Variants in PACRG observed in about 807,000 individuals in gnomAD.
PACRG encodes parkin coregulated gene protein.
In PACRG, 29 loss-of-function variants were observed where a neutral mutation model predicts 29.7. That is an observed-to-expected ratio of 0.98 (90% CI 0.73 to 1.33). The LOEUF is 1.33. Ranked by LOEUF, PACRG falls within the 40% of genes most tolerant of loss-of-function variation. The probability of loss-of-function intolerance (pLI) is 0.00; values close to 1 mark genes in which losing one functional copy is unlikely to be tolerated. For missense variants in PACRG, 279 were observed against 316.2 expected (o/e 0.88, Z 0.89); for synonymous variants, 116 against 118.7 (o/e 0.98, Z 0.15).
intron 2 of PACRG, among the ~76,000 whole-genome samples, chr6:163,033,940 TAAAG>T (rs996472187): frequency 6.6e-6 from 1 of 152,162 alleles, no homozygotes; most frequent in Non-Finnish European, 1.5e-5. Flanking sequence ...GACAGAACAA[TAAAG>T]AAAGACACAT....
At chr6:163,303,664 A>G (rs920515257) in intron 4 of PACRG, among the ~76,000 whole-genome samples, 1 of 152,164 alleles carries the variant, frequency 6.6e-6, no homozygotes, top group African/African-American at 2.4e-5. Context: ...ATATTAAATG[A>G]AAGCACTATA....
chr6:163,035,985 C>G (rs1176825284), intron 2 of PACRG, among the ~76,000 whole-genome samples: 1 of 152,088 alleles, frequency 6.6e-6, no homozygotes, highest in African/African-American at 2.4e-5. Flanking sequence ...AAAGGAAATA[C>G]TTGGTTTCTA....
intron 4 of PACRG, among the ~76,000 whole-genome samples, chr6:163,130,003 A>G (rs887313431): frequency 6.6e-6 from 1 of 152,220 alleles, no homozygotes; most frequent in Admixed American, 6.5e-5. Context: ...AAGCCTTCCA[A>G]AGAAAAGTGT....
chr6:163,150,003 T>A (rs1430750654), intron 4 of PACRG, among the ~76,000 whole-genome samples: 6 of 152,232 alleles, frequency 3.9e-5, no homozygotes, highest in Admixed American at 3.3e-4. Flanking sequence ...TGCGGGACTG[T>A]CTAGCTGTGC....
intron 2 of PACRG, among the ~76,000 whole-genome samples, chr6:162,887,710 C>A (rs1336945781): frequency 6.6e-6 from 1 of 152,112 alleles, no homozygotes; most frequent in Non-Finnish European, 1.5e-5. Context: ...AAAGTTTTGA[C>A]CTCGCCCTGC....
At chr6:162,958,846 AGAG>A (rs1271651406) in intron 2 of PACRG, among the ~76,000 whole-genome samples, 2 of 118,408 alleles carry the variant, frequency 1.7e-5, no homozygotes, top group African/African-American at 3.0e-5. Context: ...GAGCATATAT[AGAG>A]CATATATATA....
At chr6:163,096,668 G>A (rs1402763223) in intron 4 of PACRG, among the ~76,000 whole-genome samples, 1 of 152,138 alleles carries the variant, frequency 6.6e-6, no homozygotes, top group Non-Finnish European at 1.5e-5. Context: ...TCATTTTTCA[G>A]GAGTTCTACT....
intron 2 of PACRG, among the ~76,000 whole-genome samples, chr6:162,880,452 A>G (rs897194100): frequency 2.6e-5 from 4 of 152,212 alleles, no homozygotes; most frequent in Non-Finnish European, 5.9e-5. Flanking sequence ...GAACAACAAC[A>G]ACAAAACAGG....
At chr6:163,051,009 C>A (rs185167201) in intron 2 of PACRG, among the ~76,000 whole-genome samples, 1 of 152,276 alleles carries the variant, frequency 6.6e-6, no homozygotes, top group African/African-American at 2.4e-5. Context: ...GGTCTTGGGA[C>A]TCCCTGCGAT....
chr6:162,727,984 C>T lies in PACRG; in HGVS notation c.-252C>T. On this transcript the variant is annotated 5_prime_UTR_variant, in exon 1 of 5. Coordinates refer to ENST00000366888, the MANE Select transcript of PACRG (RefSeq NM_001080379.2). ...CCGTGTTGACCAGTCGCTTAGCAAC[C>T]GGGAGGCTTACCTTTGGAAGCTTGT... The T allele has an allele frequency of 9.9e-6, 6 of 608,228 alleles. No homozygotes were observed. The highest frequency in any genetic ancestry group is 1.5e-5 in the Non-Finnish European group (5 of 344,566). 37.7% of individuals were successfully genotyped at this position (608,228 alleles called of 1,614,324 possible).
chr6:163,178,517 G>A (rs578182608), intron 4 of PACRG, among the ~76,000 whole-genome samples: 1 of 152,280 alleles, frequency 6.6e-6, no homozygotes, highest in Admixed American at 6.5e-5. Flanking sequence ...ATTAAAGTAG[G>A]AGAAGCCCCG....
chr6:162,727,322 G>GGGCGGC (rs1334613875), upstream of PACRG: 49 of 383,336 alleles, frequency 1.3e-4, no homozygotes, highest in African/African-American at 9.7e-4. Flanking sequence ...CGAAGGTGAG[G>GGGCGGC]GGCGGCGGCG....
intron 4 of PACRG, among the ~76,000 whole-genome samples, chr6:163,102,104 G>C (rs116380068): frequency 6.6e-6 from 1 of 152,158 alleles, no homozygotes; most frequent in African/African-American, 2.4e-5. Context: ...CGGAAGGCCT[G>C]AGGGGTGAAG....
intron 2 of PACRG, among the ~76,000 whole-genome samples, chr6:162,887,195 T>C (rs6455856): frequency 0.21 from 31,824 of 152,066 alleles, 4,744 homozygotes; most frequent in African/African-American, 0.41. Flanking sequence ...TCAGGTGATC[T>C]GTCCACCTTG....
intron 4 of PACRG, among the ~76,000 whole-genome samples, chr6:163,127,555 G>A (rs1195557966): frequency 6.6e-6 from 1 of 152,092 alleles, no homozygotes. Flanking sequence ...TCTTCAGGTC[G>A]CCTTATAACT....
At chr6:163,134,641 G>T (rs1219666078) in intron 4 of PACRG, among the ~76,000 whole-genome samples, 1 of 152,112 alleles carries the variant, frequency 6.6e-6, no homozygotes, top group East Asian at 1.9e-4. Flanking sequence ...TTAATTGGAA[G>T]GTGCATCCAA....
intron 4 of PACRG, among the ~76,000 whole-genome samples, chr6:163,156,238 C>T (rs1240551455): frequency 6.6e-6 from 1 of 152,222 alleles, no homozygotes; most frequent in Admixed American, 6.5e-5. Context: ...TTTGCCTGAG[C>T]CACAGACGTA....
chr6:163,062,332 C>T lies in PACRG; in HGVS notation c.463+11C>T, dbSNP rs757342423. On this transcript the variant is annotated intron_variant, in intron 3 of 4. Coordinates refer to ENST00000366888, the MANE Select transcript of PACRG (RefSeq NM_001080379.2). ...TTATCCCGATAAAAAGTAAGTGAAC[C>T]GGTGAAAAAGCATCACTCAGTTTAT... 3.6e-5 allele frequency: 57 copies of T among 1,603,518 alleles called. No individual in the cohort carries two copies. The highest frequency in any genetic ancestry group is 1.7e-4 in the South Asian group (15 of 89,024).
At chr6:163,292,453 G>A (rs1380656163) in intron 4 of PACRG, among the ~76,000 whole-genome samples, 11 of 152,212 alleles carry the variant, frequency 7.2e-5, no homozygotes. Flanking sequence ...CCAGGCTGGA[G>A]TGCAATGGCA....
Sources: allele counts gnomAD v4.1 joint callset (sites outside exome capture counted in the v4.1 genomes callset), GRCh38; gene constraint gnomAD v4.1.1; transcripts MANE v1.5; gene names NCBI Gene and HGNC (gene_info 2026-07-23, HGNC 2026-07-21).